The following KIF1B variants were observed in gnomAD, a reference collection of about 807,000 sequenced individuals.
The protein encoded by KIF1B is kinesin family member 1B.
A neutral mutation model predicts 241.9 loss-of-function variants in KIF1B; 76 were observed. That is an observed-to-expected ratio of 0.31 (90% CI 0.26 to 0.38). The LOEUF is 0.38. Ranked by LOEUF, KIF1B falls within the 10% of genes least tolerant of loss-of-function variation. The pLI, the probability that KIF1B is intolerant of heterozygous loss-of-function variation, is 1.00. For missense variants in KIF1B, 1,622 were observed against 2,271.4 expected (o/e 0.71, Z 5.81); for synonymous variants, 750 against 796.7 (o/e 0.94, Z 0.99).
At chr1:10,236,133 G>C (rs1376123343) in intron 2 of KIF1B, among the ~76,000 whole-genome samples, 2 of 151,752 alleles carry the variant, frequency 1.3e-5, no homozygotes, top group African/African-American at 4.8e-5. Context: ...TTAGCCGGAC[G>C]TGGTGATGCG....
chr1:10,292,713 T>C (rs1192923588), intron 17 of KIF1B, among the ~76,000 whole-genome samples: 1 of 152,260 alleles, frequency 6.6e-6, no homozygotes, highest in Admixed American at 6.5e-5. Context: ...AGTAGTTACG[T>C]AGCTTTTAGC....
rs1638428946 is a variant in KIF1B at position 10,361,729 on chromosome 1, A to G, written c.4208A>G (p.Asp1403Gly). ...HCIQPAVITKDVCMVFYSRDA... is the reference protein window; with the variant it reads ...HCIQPAVITKGVCMVFYSRDA... The stretch of plus-strand genomic sequence containing the variant: ...ATCCAGCCGGCTGTCATCACCAAGG[A>G]TGTGTGCATGGTCTTCTACTCCCGA... The change falls in exon 40 of 49, where the codon GAT (aspartate) becomes GGT (glycine). Residue 1403 changes from aspartate (D) to glycine (G), a missense_variant. By Grantham distance (94) the Asp-to-Gly change is moderately conservative. Transcript: ENST00000676179. 6.2e-7 allele frequency: 1 copy of G among 1,613,928 alleles called. No individual in the cohort carries two copies. Among genetic ancestry groups the G allele is most frequent in the African/African-American group, 1.3e-5 (1 of 74,892 alleles).
At chr1:10,251,734 C>CA (rs1246569045) in intron 2 of KIF1B, among the ~76,000 whole-genome samples, 5,462 of 131,206 alleles carry the variant, frequency 0.042, 120 homozygotes, top group Middle Eastern at 0.14. Context: ...AACTCCGTCT[C>CA]AAAAAAAAAA....
chr1:10,268,210 A>G lies in KIF1B; in HGVS notation c.667A>G (p.Ile223Val), dbSNP rs1162021043. 2 of 1,614,026 alleles carry G rather than the reference A, an allele frequency of 1.2e-6. No homozygotes were observed. Among genetic ancestry groups the G allele is most frequent in the Non-Finnish European group, 1.7e-6 (2 of 1,179,936 alleles). Reference sequence around the variant, plus strand: ...TAGCCGTTCCCACGCTGTGTTTACGATTGTTTTCACCCAGAAGAAACACGA... The same window carrying G: ...TAGCCGTTCCCACGCTGTGTTTACGGTTGTTTTCACCCAGAAGAAACACGA... ...TSSRSHAVFT[I>V]VFTQKKHDNE... Residue 223 changes from isoleucine to valine, a missense_variant, in exon 7 of 49, where the codon ATT becomes GTT. By Grantham distance (29) the Ile-to-Val change is conservative (BLOSUM62 3). This residue lies in a region of KIF1B where 201 missense variants were observed against 301.2 expected (regional missense o/e 0.67). Coordinates refer to ENST00000676179, the MANE Select transcript of KIF1B (RefSeq NM_001365951.3).
chr1:10,340,673 A>G (rs935491212), intron 32 of KIF1B, among the ~76,000 whole-genome samples: 6 of 152,138 alleles, frequency 3.9e-5, no homozygotes, highest in African/African-American at 1.2e-4. Context: ...GTGAAATCCC[A>G]TCTGAGACAC....
rs1291885439 is a variant in KIF1B at position 10,303,846 on chromosome 1, G to A, written c.2115+6600G>A. On this transcript the variant is annotated intron_variant, in intron 22 of 48. Transcript: ENST00000676179. The surrounding 1 kb of genome is among the most constrained non-coding windows in gnomAD (Gnocchi z 5.2). ...GTGCTGGTGTTAGTAGCACCTCTGA[G>A]AATAATGTAAGTAAAGGAGACAATG... 6.2e-7 allele frequency: 1 copy of A among 1,614,082 alleles called. No homozygotes were observed. The highest frequency in any genetic ancestry group is 8.5e-7 in the Non-Finnish European group (1 of 1,180,046).
intron 14 of KIF1B, among the ~76,000 whole-genome samples, chr1:10,281,301 T>A (rs1171454211): frequency 6.6e-6 from 1 of 151,890 alleles, no homozygotes; most frequent in Non-Finnish European, 1.5e-5. Flanking sequence ...ATACTTAAGA[T>A]TTACCTTTGG....
At position 10,308,552 on chromosome 1, in the gene KIF1B, TA is replaced by T. The variant is rs1284710770; in HGVS notation, c.2115+11312del. The T allele has an allele frequency of 7.8e-6, 8 of 1,020,648 alleles. No homozygotes were observed. The African/African-American group carries it at 1.2e-4, about 15-fold the overall frequency. 63.2% of individuals were successfully genotyped at this position (1,020,648 alleles called of 1,614,324 possible). A position where few individuals can be genotyped will look rare whatever the true frequency, so the allele number is the denominator to read the frequency against. On this transcript the variant is annotated intron_variant, in intron 22 of 48. Coordinates refer to ENST00000676179, the MANE Select transcript of KIF1B (RefSeq NM_001365951.3). ...GAAAGGGAGTGTTAGTTTGTAATGT[TA>T]AAAAATAAAGACCTCATTCAATAAA...
chr1:10,244,629 T>G (rs1299887952), intron 2 of KIF1B, among the ~76,000 whole-genome samples: 2 of 146,408 alleles, frequency 1.4e-5, no homozygotes, highest in Non-Finnish European at 3.0e-5. Flanking sequence ...TTTTTTTTTT[T>G]TGAGACGGAG....
rs1331772399 is a variant in KIF1B at position 10,334,642 on chromosome 1, G to C, written c.3043+4G>C. 6.2e-7 allele frequency: 1 copy of C among 1,606,812 alleles called. No homozygotes were observed. The highest frequency in any genetic ancestry group is 1.7e-5 in the Admixed American group (1 of 59,996). On this transcript the variant is annotated splice_donor_region_variant and intron_variant, in intron 28 of 48. Transcript: ENST00000676179. ...GTGGCTGTACAGGCCATCGCAGGTA[G>C]GTGACCCTCTTCTGAAATGAGAGCT...
At chr1:10,299,424 A>C (rs967665979) in intron 22 of KIF1B, among the ~76,000 whole-genome samples, 2 of 152,256 alleles carry the variant, frequency 1.3e-5, no homozygotes, top group Admixed American at 6.5e-5. Context: ...GACTTAAGGG[A>C]GGAACTGATT....
intron 47 of KIF1B, 30 bp from the exon 48 acceptor site, chr1:10,375,225 C>A (rs772216932): frequency 6.3e-7 from 1 of 1,588,990 alleles, no homozygotes; most frequent in South Asian, 1.1e-5. Flanking sequence ...TCTGTAGTAA[C>A]TTTCTTGTCT....
chr1:10,317,317 G>A (rs1651343672), intron 22 of KIF1B, among the ~76,000 whole-genome samples: 1 of 150,966 alleles, frequency 6.6e-6, no homozygotes, highest in Non-Finnish European at 1.5e-5. Flanking sequence ...TTGATTTATT[G>A]GCCAGTGGGA....
intron 34 of KIF1B, among the ~76,000 whole-genome samples, 163 bp downstream of exon 34, chr1:10,343,450 G>T (rs886451520): frequency 6.6e-6 from 1 of 152,082 alleles, no homozygotes; most frequent in Non-Finnish European, 1.5e-5. Context: ...AGAATTCCTA[G>T]TTCCTGATTT....
chr1:10,367,454 A>G (rs892071649), intron 43 of KIF1B, among the ~76,000 whole-genome samples: 107 of 151,980 alleles, frequency 7.0e-4, no homozygotes, highest in African/African-American at 2.4e-3. Context: ...CTGTAATCCC[A>G]GCACTTTGGG....
rs988518687 is a variant in KIF1B, at chr1:10,334,552, C to G, written c.2957C>G (p.Pro986Arg). ...AFVYLSNLLY[P>R]VPLIHRVAIV... is the part of the protein sequence containing the mutation. ...GTTTACCTGAGCAATCTGCTGTATC[C>G]CGTGCCCCTGATCCACAGGGTGGCC... The change falls in exon 28 of 49, where the codon CCC becomes CGC. Residue 986 changes from proline to arginine, a missense_variant. Pro to Arg is a moderately radical substitution (Grantham distance 103). Transcript: ENST00000676179. The G allele has an allele frequency of 6.2e-7, 1 of 1,613,960 alleles. No individual in the cohort carries two copies. Among genetic ancestry groups the G allele is most frequent in the Non-Finnish European group, 8.5e-7 (1 of 1,179,894 alleles).
At chr1:10,252,892 T>A (rs527418996) in intron 2 of KIF1B, among the ~76,000 whole-genome samples, 22 of 151,750 alleles carry the variant, frequency 1.4e-4, no homozygotes, top group Non-Finnish European at 1.6e-4. Context: ...CTGCACTGAT[T>A]TTTTATATTT....
At chr1:10,323,620 C>A (rs1229356742) in intron 24 of KIF1B, among the ~76,000 whole-genome samples, 4 of 152,116 alleles carry the variant, frequency 2.6e-5, no homozygotes, top group Non-Finnish European at 5.9e-5. Context: ...AACCTTGTCC[C>A]CACCGTGCCT....
At chr1:10,336,382 C>T (rs1216739339) in intron 28 of KIF1B, among the ~76,000 whole-genome samples, 2 of 152,144 alleles carry the variant, frequency 1.3e-5, no homozygotes, top group African/African-American at 2.4e-5. Context: ...CTCCTGACCT[C>T]GTGATCTGCC....
Sources: allele counts gnomAD v4.1 joint callset (sites outside exome capture counted in the v4.1 genomes callset), GRCh38; gene constraint gnomAD v4.1.1; regional missense constraint gnomAD v4.1.1; non-coding constraint Gnocchi (gnomAD v3.1); transcripts MANE v1.5; gene names NCBI Gene and HGNC (gene_info 2026-07-23, HGNC 2026-07-21).